GTF2I: variants seen among roughly 807,000 people sequenced by gnomAD.
GTF2I encodes general transcription factor IIi, also known as general transcription factor II-I.
In GTF2I, 12 loss-of-function variants were observed where a neutral mutation model predicts 67.6. That is an observed-to-expected ratio of 0.18 (90% CI 0.11 to 0.29). The LOEUF is 0.29. Ranked by LOEUF, GTF2I falls within the 10% of genes least tolerant of loss-of-function variation. The pLI is 1.00. For missense variants in GTF2I, 271 were observed against 580.1 expected, an observed-to-expected ratio of 0.47 and a Z score of 5.47; for synonymous variants, 149 against 197.0, an observed-to-expected ratio of 0.76 and a Z score of 2.04.
chr7:74,750,168 C>T (rs1311160160), intron 26 of GTF2I, among the ~76,000 whole-genome samples: 4 of 88,266 alleles, frequency 4.5e-5, no homozygotes, highest in Non-Finnish European at 7.3e-5. Flanking sequence ...GGGCCGGGTG[C>T]GGCCATAAAT....
intron 12 of GTF2I, among the ~76,000 whole-genome samples, chr7:74,724,932 A>G (rs1484427528): frequency 6.6e-6 from 1 of 152,204 alleles, no homozygotes; most frequent in Non-Finnish European, 1.5e-5. Flanking sequence ...CCATCTCAAA[A>G]AATAAAATAA....
chr7:74,658,794 A>G (rs900432699), intron 1 of GTF2I, among the ~76,000 whole-genome samples: 2 of 152,110 alleles, frequency 1.3e-5, no homozygotes, highest in East Asian at 3.9e-4. Flanking sequence ...GACCGGAAGG[A>G]AAACTTCAGC....
chr7:74,662,481 A>G (rs1485952439), intron 1 of GTF2I, among the ~76,000 whole-genome samples: 1 of 119,850 alleles, frequency 8.3e-6, no homozygotes, highest in African/African-American at 3.1e-5. Flanking sequence ...AAGTGCTGGG[A>G]TTACAGGCGT....
chr7:74,711,229 A>G, intron 9 of GTF2I, 120 bp downstream of exon 9: 1 of 508,018 alleles, frequency 2.0e-6, no homozygotes, highest in Non-Finnish European at 3.5e-6. Flanking sequence ...TGATTGACAT[A>G]TATATTGTAA....
At chr7:74,720,470 G>T (rs1792810990) in intron 12 of GTF2I, among the ~76,000 whole-genome samples, 1 of 152,030 alleles carries the variant, frequency 6.6e-6, no homozygotes, top group African/African-American at 2.4e-5. Flanking sequence ...TTAATATACA[G>T]ATTTCTTTTT....
At chr7:74,690,253 C>T (rs1417891613) in intron 2 of GTF2I, among the ~76,000 whole-genome samples, 2 of 151,720 alleles carry the variant, frequency 1.3e-5, no homozygotes, top group Non-Finnish European at 2.9e-5. Context: ...ATATTTTGTT[C>T]CCAGGTTGTT....
intron 1 of GTF2I, among the ~76,000 whole-genome samples, chr7:74,680,079 CAAAAAAAAA>C (rs1225904374): frequency 3.3e-5 from 1 of 30,520 alleles, no homozygotes; most frequent in Non-Finnish European, 5.2e-5. Flanking sequence ...GAGTCCATCT[CAAAAAAAAA>C]AAAAAAAAAA....
chr7:74,678,778 T>C (rs1786930429), intron 1 of GTF2I, among the ~76,000 whole-genome samples: 1 of 152,102 alleles, frequency 6.6e-6, no homozygotes, highest in Admixed American at 6.6e-5. Flanking sequence ...TACTCATATA[T>C]ATATATTTTT....
chr7:74,699,397 A>G, intron 4 of GTF2I: 1 of 160,670 alleles, frequency 6.2e-6, no homozygotes, highest in South Asian at 2.0e-4. Flanking sequence ...GTTTCAAGTG[A>G]TTCTCCTGCC....
chr7:74,716,805 T>C, intron 10 of GTF2I, 89 bp from the exon 11 acceptor site: 2 of 824,854 alleles, frequency 2.4e-6, no homozygotes, highest in East Asian at 5.1e-5. Context: ...TATTATGTCT[T>C]AGATTGTTTG....
At chr7:74,725,439 C>G (rs761736653) in intron 12 of GTF2I, among the ~76,000 whole-genome samples, 192 of 152,146 alleles carry the variant, frequency 1.3e-3, no homozygotes, top group Middle Eastern at 3.4e-3. Context: ...ATAATCCCAG[C>G]ACTTTAGGAG....
intron 6 of GTF2I, among the ~76,000 whole-genome samples, chr7:74,704,416 G>A (rs1554400726): frequency 6.6e-6 from 1 of 151,624 alleles, no homozygotes; most frequent in Non-Finnish European, 1.5e-5. Context: ...TCAGCCTTCT[G>A]AGTAACTGGG....
intron 3 of GTF2I, among the ~76,000 whole-genome samples, chr7:74,696,373 A>G (rs74910854): frequency 0.055 from 7,630 of 137,478 alleles, 262 homozygotes; most frequent in Middle Eastern, 0.098. Flanking sequence ...ACTATCGCCC[A>G]TGGAGTGCAG....
chr7:74,730,032 GTTAC>G (rs1353336246), intron 13 of GTF2I, among the ~76,000 whole-genome samples, 193 bp from the exon 14 acceptor site: 3 of 63,660 alleles, frequency 4.7e-5, no homozygotes, highest in Non-Finnish European at 9.0e-5. Context: ...AAAAGCCACA[GTTAC>G]TTTTGCACCA....
intron 1 of GTF2I, 42 bp from the exon 2 acceptor site, chr7:74,689,082 C>A: frequency 8.3e-7 from 1 of 1,198,424 alleles, no homozygotes; most frequent in Non-Finnish European, 1.2e-6. Context: ...TTCAGGACAC[C>A]AGATTTCTAC....
chr7:74,659,239 T>G (rs1221511621), intron 1 of GTF2I, among the ~76,000 whole-genome samples: 1 of 151,952 alleles, frequency 6.6e-6, no homozygotes, highest in Non-Finnish European at 1.5e-5. Flanking sequence ...TCTTTTTTTT[T>G]TTTAGAAACA....
chr7:74,693,531 C>G (rs782200548), intron 3 of GTF2I, among the ~76,000 whole-genome samples: 2 of 151,988 alleles, frequency 1.3e-5, no homozygotes, highest in African/African-American at 4.8e-5. Flanking sequence ...CTCAGGCCTC[C>G]CTGGTCCCTG....
intron 4 of GTF2I, chr7:74,699,428 G>T (rs2131334202): frequency 6.4e-6 from 1 of 155,810 alleles, no homozygotes; most frequent in South Asian, 2.0e-4. Context: ...GAGTAACTAG[G>T]ATTACAGGTG....
intron 12 of GTF2I, among the ~76,000 whole-genome samples, chr7:74,722,235 C>T (rs1299801220): frequency 2.0e-5 from 3 of 152,164 alleles, no homozygotes; most frequent in Non-Finnish European, 2.9e-5. Flanking sequence ...GAGCTGTGCA[C>T]TTCCATTTGT....
Sources: allele counts gnomAD v4.1 joint callset (sites outside exome capture counted in the v4.1 genomes callset), GRCh38; gene constraint gnomAD v4.1.1; transcripts MANE v1.5; gene names NCBI Gene and HGNC (gene_info 2026-07-23, HGNC 2026-07-21).